KLRK1: variants seen among roughly 807,000 people sequenced by gnomAD.
The protein encoded by KLRK1 is killer cell lectin like receptor K1.
KLRK1 carries 40 observed loss-of-function variants against 31.3 expected under a neutral mutation model. The ratio of observed to expected loss-of-function variants is 1.28; its 90% CI spans 0.99 to 1.67. The LOEUF (loss-of-function observed/expected upper bound fraction) is 1.67, where lower values mean the gene tolerates loss of function less well. Among genes scored for constraint, KLRK1 ranks in the 40% most tolerant of loss-of-function variants. The pLI is 0.00. For synonymous variants in KLRK1, 77 were observed against 77.3 expected, an observed-to-expected ratio of 1.00 and a Z score of 0.02; for missense variants, 251 against 260.0, an observed-to-expected ratio of 0.97 and a Z score of 0.24.
chr12:10,375,151 T>C (rs1179573046), intron 7 of KLRK1, among the ~76,000 whole-genome samples: 1 of 152,196 alleles, frequency 6.6e-6, no homozygotes, highest in Non-Finnish European at 1.5e-5. Flanking sequence ...GGTAGGGAGT[T>C]CTTGCTACAA....
chr12:10,381,564 G>GA (rs975818982), intron 3 of KLRK1, among the ~76,000 whole-genome samples: 8 of 152,038 alleles, frequency 5.3e-5, no homozygotes, highest in South Asian at 4.2e-4. Flanking sequence ...TGATAGAGGA[G>GA]AAAAAAATCA....
intron 7 of KLRK1, among the ~76,000 whole-genome samples, chr12:10,376,738 T>C (rs1049746614): frequency 1.3e-5 from 2 of 152,200 alleles, no homozygotes; most frequent in African/African-American, 2.4e-5. Flanking sequence ...CTTAACATCA[T>C]TGCATTAGTA....
At chr12:10,378,312 A>T in intron 6 of KLRK1, 77 bp from the exon 7 acceptor site, 1 of 1,481,020 alleles carries the variant, frequency 6.8e-7, no homozygotes, top group Non-Finnish European at 9.3e-7. Flanking sequence ...TAACCATTTC[A>T]TCTGTTCTCA....
intron 3 of KLRK1, among the ~76,000 whole-genome samples, chr12:10,385,885 T>C (rs1863159002): frequency 6.6e-6 from 1 of 151,994 alleles, no homozygotes; most frequent in Non-Finnish European, 1.5e-5. Context: ...TATGTATAAT[T>C]ATTACATGCC....
At chr12:10,375,310 A>T (rs1345512105) in intron 7 of KLRK1, among the ~76,000 whole-genome samples, 1 of 152,216 alleles carries the variant, frequency 6.6e-6, no homozygotes, top group Non-Finnish European at 1.5e-5. Context: ...CTGGCTCCAG[A>T]GCCAGAAATA....
chr12:10,378,355 T>C, intron 6 of KLRK1, 120 bp from the exon 7 acceptor site: 1 of 1,308,214 alleles, frequency 7.6e-7, no homozygotes, highest in Non-Finnish European at 1.1e-6. Context: ...GTCCACTAAC[T>C]GGCATAATTC....
intron 7 of KLRK1, chr12:10,373,996 T>C (rs1370248627): frequency 6.6e-6 from 1 of 152,266 alleles, no homozygotes; most frequent in African/African-American, 2.4e-5. Context: ...AGAAAACTAT[T>C]CTTAAAGAGT....
chr12:10,384,697 A>AAG (rs1863134710), intron 3 of KLRK1, among the ~76,000 whole-genome samples: 4 of 152,092 alleles, frequency 2.6e-5, no homozygotes, highest in African/African-American at 9.7e-5. Flanking sequence ...CAAAGATTTT[A>AAG]TGGGTAAGAA....
intron 3 of KLRK1, 109 bp from the exon 4 acceptor site, chr12:10,379,901 C>A: frequency 1.1e-6 from 1 of 947,714 alleles, no homozygotes; most frequent in South Asian, 2.4e-5. Flanking sequence ...GGTATTGATC[C>A]TTTTTCTGCC....
At chr12:10,384,487 A>T (rs1863131952) in intron 3 of KLRK1, among the ~76,000 whole-genome samples, 1 of 152,078 alleles carries the variant, frequency 6.6e-6, no homozygotes, top group African/African-American at 2.4e-5. Flanking sequence ...AGTCACCAAT[A>T]ACATACACTG....
intron 7 of KLRK1, among the ~76,000 whole-genome samples, chr12:10,375,795 A>G (rs1591579002): frequency 7.7e-6 from 1 of 129,628 alleles, no homozygotes. Context: ...TGAATACTCT[A>G]GCATTAATCT....
chr12:10,376,931 C>G (rs1466966581), intron 7 of KLRK1, among the ~76,000 whole-genome samples: 2 of 152,134 alleles, frequency 1.3e-5, no homozygotes, highest in Non-Finnish European at 2.9e-5. Context: ...ATTCCCCTGC[C>G]TCAGCCTCCC....
At chr12:10,379,409 A>G in intron 5 of KLRK1, 38 bp downstream of exon 5, 2 of 1,275,716 alleles carry the variant, frequency 1.6e-6, no homozygotes, top group Non-Finnish European at 2.2e-6. Flanking sequence ...GTAGATACAT[A>G]TAATATATGA....
chr12:10,382,066 C>G (rs1048354677), intron 3 of KLRK1: 2 of 152,172 alleles, frequency 1.3e-5, no homozygotes, highest in Admixed American at 1.3e-4. Context: ...TAGTCTCAGC[C>G]CACTTTATCA....
chr12:10,387,065 C>A, intron 2 of KLRK1, 55 bp from the exon 3 acceptor site: 1 of 1,435,272 alleles, frequency 7.0e-7, no homozygotes, highest in Non-Finnish European at 9.5e-7. Context: ...CCATTTGGGG[C>A]ATAAATTTTA....
At chr12:10,378,868 GC>G in intron 5 of KLRK1, 163 bp from the exon 6 acceptor site, 1 of 830,728 alleles carries the variant, frequency 1.2e-6, no homozygotes. Flanking sequence ...ATAGAGAGAA[GC>G]CAGGCTGGGT....
Position 10,379,428 on chromosome 12 carries a change from A to G in KLRK1, c.277+19T>C. On this transcript the variant is annotated intron_variant, in intron 5 of 7. Transcript: ENST00000240618. The stretch of plus-strand genomic sequence containing the variant: ...ATACATATAATATATGATCTAAAAT[A>G]TTTTAAAAATTCACTTACCGGTCAA... 7.1e-7 allele frequency: 1 copy of G among 1,400,510 alleles called. No individual in the cohort carries two copies. Among genetic ancestry groups the G allele is most frequent in the Non-Finnish European group, 9.8e-7 (1 of 1,016,598 alleles). The allele number at this position is 1,400,510 out of a possible 1,614,324, so 86.8% of individuals were successfully genotyped here.
At chr12:10,376,143 C>T (rs1440155292) in intron 7 of KLRK1, among the ~76,000 whole-genome samples, 1 of 152,196 alleles carries the variant, frequency 6.6e-6, no homozygotes, top group African/African-American at 2.4e-5. Flanking sequence ...TTAGTGCTAA[C>T]ATAGGGTCTA....
rs190968079 is a variant in KLRK1, at chr12:10,388,100, C to A, written c.40+671G>T. 5.3e-3 allele frequency among the ~76,000 whole-genome samples: 805 copies of A among 151,550 alleles called. 5 individuals carry two copies. The highest frequency in any genetic ancestry group is 5.9e-3 in the Non-Finnish European group (400 of 67,830). On this transcript the variant is annotated intron_variant, in intron 2 of 7. Transcript: ENST00000240618. The stretch of plus-strand genomic sequence containing the variant: ...GTCACGGGGGTTTGTTGTACAAAAG[C>A]CTTTTATAAATTAAATGATAATATG...
Sources: gnomAD v4.1 joint callset for allele counts (sites outside exome capture counted in the v4.1 genomes callset) on GRCh38, gnomAD v4.1.1 for gene constraint, MANE v1.5 for transcripts, NCBI Gene and HGNC (gene_info 2026-07-23, HGNC 2026-07-21) for gene names.